ZNF536: variants seen among roughly 807,000 people sequenced by gnomAD.
ZNF536 encodes zinc finger protein 536.
ZNF536 carries 13 observed loss-of-function variants against 84.5 expected under a neutral mutation model. That is an observed-to-expected ratio of 0.15 (90% confidence interval 0.10 to 0.24). ZNF536 has a LOEUF of 0.24. Among genes scored for constraint, ZNF536 ranks in the 10% least tolerant of loss-of-function variants. The pLI is 1.00. For synonymous variants in ZNF536, 811 were observed against 742.5 expected (o/e 1.09, Z -1.50); for missense variants, 1,536 against 1,747.5 (o/e 0.88, Z 2.16).
chr19:30,308,043 C>G (rs995668797), intron 2 of ZNF536, among the ~76,000 whole-genome samples: 3 of 152,190 alleles, frequency 2.0e-5, no homozygotes, highest in Admixed American at 6.5e-5. Context: ...GTATACCATT[C>G]ATTATGCTAA....
intron 1 of ZNF536, among the ~76,000 whole-genome samples, chr19:30,631,088 C>T (rs2048870310): frequency 6.6e-6 from 1 of 152,186 alleles, no homozygotes; most frequent in African/African-American, 2.4e-5. Flanking sequence ...GGAGCGGAGG[C>T]TGGGCCGTGC....
In ZNF536 at chr19:30,444,153, C is replaced by A. The variant is rs375960895; in HGVS notation, c.591C>A (p.Arg197=). The A allele has an allele frequency of 6.3e-7, 1 of 1,596,584 alleles. No homozygotes were observed. The highest frequency in any genetic ancestry group is 8.5e-7 in the Non-Finnish European group (1 of 1,172,678). Residue 197 remains arginine, a synonymous_variant, in exon 2 of 5, where the codon CGC becomes CGA. Transcript: ENST00000355537. ...KGRGRVREEN[R]LLHELEERAI... is the part of the protein sequence containing the mutation. ...GTGGGCGTGTGCGCGAGGAGAACCG[C>A]CTGCTGCACGAGCTGGAGGAGCGCG...
intron 2 of ZNF536, among the ~76,000 whole-genome samples, chr19:30,310,467 G>C (rs139954038): frequency 6.6e-6 from 1 of 152,368 alleles, no homozygotes; most frequent in African/African-American, 2.4e-5. Context: ...GTTTCATGCA[G>C]ACATGCAGAA....
In ZNF536 at chr19:30,443,694, C is replaced by T. The variant is rs778984218; in HGVS notation, c.132C>T (p.Ser44=). 1.2e-6 allele frequency: 2 copies of T among 1,613,860 alleles called. No individual in the cohort carries two copies. Among genetic ancestry groups the T allele is most frequent in the Non-Finnish European group, 1.7e-6 (2 of 1,179,962 alleles). Residue 44 remains serine (S), a synonymous_variant, in exon 2 of 5, where the codon AGC becomes AGT. Coordinates refer to ENST00000355537, the MANE Select transcript of ZNF536 (RefSeq NM_014717.3). ...TGCACCAGATCACCTCCCAGCTCAG[C>T]CATGCCTTCCCCGAGCTCCATCCCC... The part of the protein sequence containing the change: ...QKLHQITSQL[S]HAFPELHPRP...
chr19:30,482,524 T>C (rs2054131286), intron 2 of ZNF536, among the ~76,000 whole-genome samples: 1 of 150,366 alleles, frequency 6.7e-6, no homozygotes, highest in African/African-American at 2.5e-5. Context: ...ACAAACATAA[T>C]TGTAGTTGTC....
chr19:30,465,633 G>GCCC (rs2053352182), intron 2 of ZNF536, among the ~76,000 whole-genome samples: 2 of 152,188 alleles, frequency 1.3e-5, no homozygotes, highest in African/African-American at 2.4e-5. Context: ...GCTTAGGCCT[G>GCCC]GAATCCTGGT....
intron 1 of ZNF536, among the ~76,000 whole-genome samples, chr19:30,679,988 C>T (rs944525115): frequency 7.9e-5 from 12 of 151,784 alleles, no homozygotes; most frequent in African/African-American, 1.9e-4. Context: ...CTCCACTGTA[C>T]GCCCTGGGAA....
At chr19:30,468,641 G>A (rs1165596204) in intron 2 of ZNF536, among the ~76,000 whole-genome samples, 1 of 152,168 alleles carries the variant, frequency 6.6e-6, no homozygotes, top group Non-Finnish European at 1.5e-5. Flanking sequence ...TGGTGGTTGG[G>A]AGAGCTGGGA....
At chr19:30,580,364 A>G (rs1183960707) in intron 1 of ZNF536, among the ~76,000 whole-genome samples, 2 of 152,084 alleles carry the variant, frequency 1.3e-5, no homozygotes, top group Non-Finnish European at 2.9e-5. Context: ...CCCTTGATGG[A>G]TGGGAAATGG....
At chr19:30,499,104 T>A (rs1410981123) in intron 2 of ZNF536, among the ~76,000 whole-genome samples, 1 of 152,064 alleles carries the variant, frequency 6.6e-6, no homozygotes, top group Non-Finnish European at 1.5e-5. Context: ...CTTAATAAAT[T>A]GCTACATTAT....
intron 1 of ZNF536, among the ~76,000 whole-genome samples, chr19:30,666,314 G>A (rs935861589): frequency 4.6e-5 from 7 of 152,228 alleles, no homozygotes; most frequent in African/African-American, 1.7e-4. Flanking sequence ...CCTGCTGCTG[G>A]GTTCCTTCTC....
At chr19:30,227,134 G>C (rs1226371076), upstream of ZNF536, among the ~76,000 whole-genome samples, 1 of 151,952 alleles carries the variant, frequency 6.6e-6, no homozygotes, top group Admixed American at 6.6e-5. Flanking sequence ...AGTGGAGGAA[G>C]GTCGAAACGC....
chr19:30,501,979 T>C (rs1262129703), intron 2 of ZNF536, among the ~76,000 whole-genome samples: 1 of 152,180 alleles, frequency 6.6e-6, no homozygotes, highest in East Asian at 1.9e-4. Flanking sequence ...GGAGACACTT[T>C]GGGATACTGA....
At chr19:30,594,383 G>A (rs35634735) in intron 1 of ZNF536, among the ~76,000 whole-genome samples, 3,851 of 152,246 alleles carry the variant, frequency 0.025, 78 homozygotes, top group Middle Eastern at 0.1. Flanking sequence ...CTAGGCTGGG[G>A]ACCCTGGGAG....
chr19:30,503,159 G>GCACACACA (rs34574367), intron 2 of ZNF536, among the ~76,000 whole-genome samples: 1 of 148,466 alleles, frequency 6.7e-6, no homozygotes, highest in African/African-American at 2.5e-5. Context: ...ATGTGTGTAT[G>GCACACACA]CACACACACA....
chr19:30,625,405 C>T, intron 1 of ZNF536, among the ~76,000 whole-genome samples: 1 of 152,116 alleles, frequency 6.6e-6, no homozygotes, highest in East Asian at 1.9e-4. Context: ...ATTATATGTC[C>T]TAAAATGAGA....
intron 1 of ZNF536, among the ~76,000 whole-genome samples, chr19:30,258,587 C>T (rs1253610569): frequency 6.6e-6 from 1 of 152,062 alleles, no homozygotes. Context: ...GTCATCTCAA[C>T]CCATTGGTAC....
chr19:30,699,516 A>G (rs1748931970), intron 1 of ZNF536, among the ~76,000 whole-genome samples: 1 of 152,228 alleles, frequency 6.6e-6, no homozygotes, highest in South Asian at 2.1e-4. Context: ...GTGTTTTAGC[A>G]TCTTTGATGA....
chr19:30,244,737 T>C (rs940098473), intron 1 of ZNF536, among the ~76,000 whole-genome samples: 1 of 152,174 alleles, frequency 6.6e-6, no homozygotes, highest in African/African-American at 2.4e-5. Flanking sequence ...TCTGGCTAAT[T>C]AACACTTTGA....
Sources: allele counts gnomAD v4.1 joint callset (sites outside exome capture counted in the v4.1 genomes callset), GRCh38; gene constraint gnomAD v4.1.1; transcripts MANE v1.5; gene names NCBI Gene and HGNC (gene_info 2026-07-23, HGNC 2026-07-21).